CELF2: variants seen among roughly 807,000 people sequenced by gnomAD.
The protein encoded by CELF2 is CUGBP Elav-like family member 2, also known as CUG triplet repeat RNA-binding protein 2.
A neutral mutation model predicts 62.6 loss-of-function variants in CELF2; 8 were observed. The observed-to-expected ratio is 0.13, with a 90% confidence interval of 0.07 to 0.23. The LOEUF (loss-of-function observed/expected upper bound fraction) is 0.23. CELF2 is among the 10% of genes least tolerant of loss of function. The probability of loss-of-function intolerance (pLI) is 1.00; values close to 1 mark genes in which losing one functional copy is unlikely to be tolerated. For synonymous variants in CELF2, 258 were observed against 250.0 expected, an observed-to-expected ratio of 1.03 and a Z score of -0.30; for missense variants, 333 against 671.0, an observed-to-expected ratio of 0.50 and a Z score of 5.56.
chr10:10,634,911 C>T, the CELF2 span, among the ~76,000 whole-genome samples: 1 of 152,158 alleles, frequency 6.6e-6, no homozygotes, highest in Admixed American at 6.5e-5. Context: ...CCAAAGTCTG[C>T]TGTGGGTCAA....
At chr10:11,135,625 GA>G (rs2060310831) in intron 1 of CELF2, among the ~76,000 whole-genome samples, 1 of 152,210 alleles carries the variant, frequency 6.6e-6, no homozygotes, top group South Asian at 2.1e-4. Flanking sequence ...TCAAGAGAGG[GA>G]TGTCAATTTT....
At chr10:10,663,583 A>T in the CELF2 span, among the ~76,000 whole-genome samples, 1 of 152,230 alleles carries the variant, frequency 6.6e-6, no homozygotes, top group African/African-American at 2.4e-5. Flanking sequence ...ACTATTTCTC[A>T]CATAATGCTC....
chr10:10,747,850 GCA>G, the CELF2 span, among the ~76,000 whole-genome samples: 4 of 152,092 alleles, frequency 2.6e-5, no homozygotes, highest in South Asian at 4.1e-4. Flanking sequence ...GGGACTACAG[GCA>G]TGTGCCACCA....
At chr10:10,910,265 A>T (rs1208015055) in intron 1 of CELF2, among the ~76,000 whole-genome samples, 1 of 152,160 alleles carries the variant, frequency 6.6e-6, no homozygotes, top group Non-Finnish European at 1.5e-5. Context: ...TGCAGCTTAG[A>T]GCACAATAAT....
At chr10:10,683,010 G>A in the CELF2 span, among the ~76,000 whole-genome samples, 56 of 152,298 alleles carry the variant, frequency 3.7e-4, no homozygotes, top group African/African-American at 1.3e-3. Context: ...GCAAGACCCT[G>A]TGAAAACAGA....
chr10:10,805,146 A>C (rs1050761798), intron 1 of CELF2, among the ~76,000 whole-genome samples: 7 of 152,202 alleles, frequency 4.6e-5, no homozygotes, highest in African/African-American at 1.7e-4. Flanking sequence ...TGAAGTAGGT[A>C]GTGGTTCTTT....
Position 10,958,355 on chromosome 10 carries a change from C to T in CELF2, c.89+38356C>T, listed in dbSNP as rs148322175. Among the ~76,000 whole-genome samples, 867 of 152,242 alleles carry T rather than the reference C, an allele frequency of 5.7e-3. 5 individuals are homozygous for T. Among genetic ancestry groups the T allele is most frequent in the Non-Finnish European group, 9.6e-3 (651 of 68,014 alleles). ...CACATTTTAAAAGGGGAAAATAGAA[C>T]AAACGGTGGAGTCAGGGAGAGGGAA... On this transcript the variant is annotated intron_variant, in intron 2 of 13. Coordinates refer to the CELF2 transcript ENST00000636488.
chr10:10,955,158 C>T (rs1041271537), intron 2 of CELF2, among the ~76,000 whole-genome samples: 1 of 152,238 alleles, frequency 6.6e-6, no homozygotes, highest in Admixed American at 6.5e-5. Flanking sequence ...ATGGTGTTCT[C>T]TCCATGTTAT....
At chr10:10,829,005 A>G (rs2057634492) in intron 1 of CELF2, among the ~76,000 whole-genome samples, 1 of 152,238 alleles carries the variant, frequency 6.6e-6, no homozygotes, top group East Asian at 1.9e-4. Flanking sequence ...CCAAGACCAG[A>G]GTTTAGAAGA....
chr10:10,826,305 C>T (rs1045439141), intron 1 of CELF2, among the ~76,000 whole-genome samples: 1 of 152,136 alleles, frequency 6.6e-6, no homozygotes, highest in Non-Finnish European at 1.5e-5. Flanking sequence ...AGTTATTCAT[C>T]TAGCTGTGGT....
At chr10:11,188,405 T>C (rs1184118167) in intron 2 of CELF2, among the ~76,000 whole-genome samples, 2 of 152,168 alleles carry the variant, frequency 1.3e-5, no homozygotes, top group African/African-American at 4.8e-5. Flanking sequence ...ACGCCCAGAC[T>C]GAAGTATATT....
chr10:10,553,916 G>A, the CELF2 span, among the ~76,000 whole-genome samples: 1 of 152,190 alleles, frequency 6.6e-6, no homozygotes, highest in Non-Finnish European at 1.5e-5. Context: ...CCAATGCCAA[G>A]TGAACCCTCA....
intron 1 of CELF2, among the ~76,000 whole-genome samples, chr10:11,037,205 T>A (rs1475059702): frequency 6.6e-6 from 1 of 152,194 alleles, no homozygotes; most frequent in Non-Finnish European, 1.5e-5. Flanking sequence ...ACATCTTATA[T>A]GGCGCAAGCA....
chr10:10,701,253 A>C, the CELF2 span, among the ~76,000 whole-genome samples: 1 of 152,230 alleles, frequency 6.6e-6, no homozygotes, highest in African/African-American at 2.4e-5. Context: ...CCTGCTCAGA[A>C]AGATTAGACA....
intron 1 of CELF2, among the ~76,000 whole-genome samples, chr10:11,042,318 C>T (rs998554722): frequency 6.6e-6 from 1 of 152,156 alleles, no homozygotes; most frequent in African/African-American, 2.4e-5. Flanking sequence ...TCTTTGGAAG[C>T]AGAGGTCAGA....
chr10:10,832,811 A>C (rs1449661776), intron 1 of CELF2, among the ~76,000 whole-genome samples: 1 of 152,176 alleles, frequency 6.6e-6, no homozygotes, highest in Non-Finnish European at 1.5e-5. Context: ...CATTCATTAC[A>C]CTGGAATCGG....
At chr10:10,958,754 G>A (rs1251904706) in intron 2 of CELF2, among the ~76,000 whole-genome samples, 2 of 152,014 alleles carry the variant, frequency 1.3e-5, no homozygotes, top group African/African-American at 4.8e-5. Context: ...TTAGGTAGGA[G>A]AATAGCTTGA....
chr10:11,076,412 C>A (rs940676661), intron 1 of CELF2, among the ~76,000 whole-genome samples: 4 of 152,172 alleles, frequency 2.6e-5, no homozygotes, highest in African/African-American at 9.6e-5. Context: ...TGTTATACAG[C>A]AAGAGCTAGG....
At chr10:10,789,254 A>G in the CELF2 span, among the ~76,000 whole-genome samples, 5 of 152,302 alleles carry the variant, frequency 3.3e-5, no homozygotes, top group Non-Finnish European at 7.4e-5. Flanking sequence ...ATCACATTCT[A>G]TGTAACATTT....
Sources: allele counts gnomAD v4.1 joint callset (sites outside exome capture counted in the v4.1 genomes callset), GRCh38; gene constraint gnomAD v4.1.1; transcripts MANE v1.5; gene names NCBI Gene and HGNC (gene_info 2026-07-23, HGNC 2026-07-21).